The following MAPK8IP3 variants were observed in gnomAD, a reference collection of about 807,000 sequenced individuals.
MAPK8IP3 encodes the protein C-Jun-amino-terminal kinase-interacting protein 3.
In MAPK8IP3, 49 loss-of-function variants were observed where a neutral mutation model predicts 157.8. That is an observed-to-expected ratio of 0.31 (90% CI 0.25 to 0.39). The LOEUF (loss-of-function observed/expected upper bound fraction) is 0.39. MAPK8IP3 is among the 10% of genes least tolerant of loss of function. The pLI is 1.00. For synonymous variants in MAPK8IP3, 897 were observed against 777.7 expected (o/e 1.15, Z -2.55); for missense variants, 1,478 against 1,889.4 (o/e 0.78, Z 4.04).
intron 10 of MAPK8IP3, 29 bp downstream of exon 10, chr16:1,759,024 G>A (rs200215301): frequency 1.9e-4 from 304 of 1,613,746 alleles, no homozygotes; most frequent in Non-Finnish European, 2.3e-4. Flanking sequence ...TCCAGCGTGC[G>A]TCGCTCCTCC....
intron 21 of MAPK8IP3, 36 bp downstream of exon 21, chr16:1,766,178 C>T (rs745540201): frequency 1.9e-6 from 3 of 1,601,916 alleles, no homozygotes; most frequent in South Asian, 2.2e-5. Flanking sequence ...TCCCCTCATT[C>T]CCACGTTTCT....
intron 4 of MAPK8IP3, among the ~76,000 whole-genome samples, chr16:1,739,940 G>A (rs1167712079): frequency 7.8e-6 from 1 of 128,972 alleles, no homozygotes; most frequent in Non-Finnish European, 1.6e-5. Flanking sequence ...GTGACTGTCC[G>A]TGTGAGCATC....
chr16:1,754,530 G>T (rs1386349542), intron 8 of MAPK8IP3, among the ~76,000 whole-genome samples: 2 of 152,092 alleles, frequency 1.3e-5, no homozygotes, highest in Non-Finnish European at 2.9e-5. Flanking sequence ...TCCCAGCACT[G>T]TGGGAGGCCA....
At chr16:1,750,361 C>T (rs538754734) in intron 8 of MAPK8IP3, among the ~76,000 whole-genome samples, 54 of 152,082 alleles carry the variant, frequency 3.6e-4, no homozygotes, top group African/African-American at 1.2e-3. Flanking sequence ...TAGAGGCACG[C>T]GCCACCACGC....
chr16:1,715,681 GT>G (rs1295853338), intron 1 of MAPK8IP3, among the ~76,000 whole-genome samples: 12 of 151,862 alleles, frequency 7.9e-5, no homozygotes, highest in African/African-American at 2.9e-4. Flanking sequence ...GAGCTGAATT[GT>G]TTCTCGCTGG....
intron 4 of MAPK8IP3, among the ~76,000 whole-genome samples, chr16:1,736,849 C>CGTGT (rs1252912266): frequency 1.7e-5 from 1 of 58,278 alleles, no homozygotes. Context: ...TGTGACCGTC[C>CGTGT]GTGTGTGACC....
rs753198126 is a variant in MAPK8IP3, at chr16:1,768,230, C to T, written c.3594C>T (p.Gly1198=). ...ANKTSPTSGE[G]ARPGGIIHVY... is the part of the protein sequence containing the mutation. ...AGACATCCCCCACCTCTGGGGAGGGCGCCCGTCCCGGGGGCATCATCCACG... is the reference window on the plus strand; with the variant it reads ...AGACATCCCCCACCTCTGGGGAGGGTGCCCGTCCCGGGGGCATCATCCACG... The change falls in exon 30 of 32, where the codon GGC becomes GGT. Residue 1198 remains glycine (G), a synonymous_variant. Transcript: ENST00000610761. The T allele has an allele frequency of 1.7e-5, 28 of 1,612,306 alleles. 1 individual carries two copies. The highest frequency in any genetic ancestry group is 6.7e-5 in the Admixed American group (4 of 60,002).
Position 1,758,874 on chromosome 16 carries a change from C to T in MAPK8IP3, c.1229-104C>T, listed in dbSNP as rs1290105070. The T allele has an allele frequency of 5.5e-6, 7 of 1,282,060 alleles. No individual in the cohort carries two copies. In the East Asian group the frequency reaches 1.7e-4, roughly 31 times the overall value. 79.4% of individuals were successfully genotyped at this position (1,282,060 alleles called of 1,614,324 possible). A position where few individuals can be genotyped will look rare whatever the true frequency, so the allele number is the denominator to read the frequency against. Reference sequence around the variant, plus strand: ...AGCAGACCCAGCTCTGAATTCCTCCCAGCCTGCTGTCCACACGGGCTTAAC... The same window carrying T: ...AGCAGACCCAGCTCTGAATTCCTCCTAGCCTGCTGTCCACACGGGCTTAAC... On this transcript the variant is annotated intron_variant, in intron 9 of 31. Coordinates refer to ENST00000610761, the MANE Select transcript of MAPK8IP3 (RefSeq NM_001318852.2).
chr16:1,740,253 CGT>C (rs2040583334), intron 4 of MAPK8IP3, among the ~76,000 whole-genome samples: 2 of 127,324 alleles, frequency 1.6e-5, no homozygotes, highest in African/African-American at 3.0e-5. Flanking sequence ...TGTGACCGTT[CGT>C]GTGAGTGTGT....
chr16:1,761,446 AGGCAGAG>A (rs1567200681), intron 13 of MAPK8IP3, 141 bp downstream of exon 13: 17 of 695,972 alleles, frequency 2.4e-5, no homozygotes, highest in Admixed American at 1.2e-4. Flanking sequence ...CACCATTCAC[AGGCAGAG>A]CGGCCACCAT....
intron 1 of MAPK8IP3, among the ~76,000 whole-genome samples, chr16:1,715,686 T>C (rs1056126035): frequency 7.9e-5 from 12 of 152,134 alleles, no homozygotes; most frequent in African/African-American, 2.9e-4. Flanking sequence ...GAATTGTTTC[T>C]CGCTGGTGAG....
In MAPK8IP3 at chr16:1,762,680, C is replaced by A. The variant is rs754373203; in HGVS notation, c.1676C>A (p.Ser559Tyr). The change falls in exon 15 of 32, where the codon TCC (serine) becomes TAC (tyrosine). Residue 559 changes from serine (S) to tyrosine (Y), a missense_variant. Physicochemically the swap from Ser to Tyr is moderately radical, Grantham distance 144. Coordinates refer to ENST00000610761, the MANE Select transcript of MAPK8IP3 (RefSeq NM_001318852.2). The stretch of plus-strand genomic sequence containing the variant: ...CCCTGTGCCCTCCCCTGCAGAGCGT[C>A]CCGAGAGCACCCATCCGTCCAGGAG... ...AVRWTEMIRA[S>Y]REHPSVQEKK... The A allele has an allele frequency of 1.9e-6, 3 of 1,555,264 alleles. No individual in the cohort carries two copies. The South Asian group carries it at 3.6e-5, about 19-fold the overall frequency.
At chr16:1,737,189 CGTGT>C (rs1249560249) in intron 4 of MAPK8IP3, among the ~76,000 whole-genome samples, 1 of 76,808 alleles carries the variant, frequency 1.3e-5, no homozygotes, top group Non-Finnish European at 2.5e-5. Context: ...TGTGACCGTC[CGTGT>C]GAGCGTGTGA....
intron 4 of MAPK8IP3, among the ~76,000 whole-genome samples, chr16:1,731,801 G>C (rs183669657): frequency 1.4e-3 from 212 of 152,314 alleles, no homozygotes; most frequent in African/African-American, 4.9e-3. Context: ...ACCTGCATGT[G>C]TACATATTTT....
intron 20 of MAPK8IP3, 136 bp from the exon 21 acceptor site, chr16:1,765,824 G>C: frequency 1.3e-6 from 1 of 779,800 alleles, no homozygotes; most frequent in East Asian, 2.7e-5. Context: ...GCTGTGGGTG[G>C]AGCATGTGTG....
Position 1,764,451 on chromosome 16 carries a change from A to G in MAPK8IP3, c.2272A>G (p.Lys758Glu). ...CAAGAGCGCCCACACGTCTCCCGAG[A>G]AGAAGAAGGTGAGCATGGCCGAGGC... ...EPKSAHTSPE[K>E]KKAKELPEMD... Residue 758 changes from lysine (K) to glutamate (E), a missense_variant, in exon 19 of 32, where the codon AAG becomes GAG. Transcript: ENST00000610761. 1 of 1,608,116 alleles carries G rather than the reference A, an allele frequency of 6.2e-7. No homozygotes were observed. Among genetic ancestry groups the G allele is most frequent in the Non-Finnish European group, 8.5e-7 (1 of 1,178,772 alleles).
intron 7 of MAPK8IP3, 61 bp downstream of exon 7, chr16:1,748,407 T>G: frequency 7.0e-7 from 1 of 1,427,456 alleles, no homozygotes; most frequent in Non-Finnish European, 9.8e-7. Context: ...AGTCGGTGTC[T>G]TTGGTGAAGT....
Position 1,763,703 on chromosome 16 carries a change from C to T in MAPK8IP3, c.1945C>T (p.Arg649Cys). Residue 649 changes from arginine (R) to cysteine (C), a missense_variant, in exon 17 of 32, where the codon CGC (arginine) becomes TGC (cysteine). Coordinates refer to ENST00000610761, the MANE Select transcript of MAPK8IP3 (RefSeq NM_001318852.2). ...ARREQKREQY[R>C]QVREHVRNDD... ...TCGAGAGCAGAAGCGCGAGCAGTAC[C>T]GCCAGGTGCGTGAGCACGTGCGTAA... 2 of 1,596,898 alleles carry T rather than the reference C, an allele frequency of 1.3e-6. No homozygotes were observed. Among genetic ancestry groups the T allele is most frequent in the Non-Finnish European group, 1.7e-6 (2 of 1,171,034 alleles).
At chr16:1,737,874 C>G (rs1410043302) in intron 4 of MAPK8IP3, among the ~76,000 whole-genome samples, 1 of 72,632 alleles carries the variant, frequency 1.4e-5, no homozygotes, top group Non-Finnish European at 2.5e-5. Context: ...ATCTGTGTGA[C>G]CGTCCGTGTG....
Sources: allele counts gnomAD v4.1 joint callset (sites outside exome capture counted in the v4.1 genomes callset), GRCh38; gene constraint gnomAD v4.1.1; transcripts MANE v1.5; gene names NCBI Gene and HGNC (gene_info 2026-07-23, HGNC 2026-07-21).